Variants in ZFAT observed in about 807,000 individuals in gnomAD.
ZFAT encodes the protein zinc finger protein ZFAT.
ZFAT carries 64 observed loss-of-function variants against 117.7 expected under a neutral mutation model. The observed-to-expected ratio is 0.54, with a 90% CI of 0.44 to 0.67. ZFAT has a LOEUF of 0.67. Ranked by LOEUF, ZFAT falls within the 30% of genes least tolerant of loss-of-function variation. ZFAT has a pLI of 0.00. For missense variants in ZFAT, 1,433 were observed against 1,584.5 expected (o/e 0.90, Z 1.62); for synonymous variants, 679 against 615.0 (o/e 1.10, Z -1.54).
At chr8:134,573,709 C>A (rs1825101579) in intron 10 of ZFAT, among the ~76,000 whole-genome samples, 1 of 152,250 alleles carries the variant, frequency 6.6e-6, no homozygotes, top group South Asian at 2.1e-4. Context: ...AAAGGTGAGG[C>A]ATATCTTTGC....
chr8:134,816,701 C>T, the ZFAT span, among the ~76,000 whole-genome samples: 4 of 152,066 alleles, frequency 2.6e-5, no homozygotes, highest in Non-Finnish European at 1.5e-5. Context: ...ATGCATACCA[C>T]TGGCCAGGCA....
At chr8:134,504,335 A>C (rs987764055) in intron 15 of ZFAT, among the ~76,000 whole-genome samples, 6 of 152,168 alleles carry the variant, frequency 3.9e-5, no homozygotes, top group African/African-American at 1.4e-4. Flanking sequence ...AAAACTCAGA[A>C]AGACCGAAGA....
the ZFAT span, among the ~76,000 whole-genome samples, chr8:134,726,293 G>T: frequency 6.6e-6 from 1 of 152,160 alleles, no homozygotes; most frequent in East Asian, 1.9e-4. Context: ...TTTATGCATT[G>T]GCATGCTTCC....
intron 1 of ZFAT, among the ~76,000 whole-genome samples, chr8:134,664,513 G>A (rs1342377279): frequency 5.9e-5 from 9 of 152,258 alleles, no homozygotes; most frequent in African/African-American, 1.9e-4. Context: ...GCCCAGAGCA[G>A]AGAGCATGGT....
At chr8:134,507,506 G>A (rs1165789369) in intron 15 of ZFAT, among the ~76,000 whole-genome samples, 1 of 152,144 alleles carries the variant, frequency 6.6e-6, no homozygotes, top group East Asian at 1.9e-4. Context: ...GTGTTCAACA[G>A]CACCACTCTT....
rs374388408 is a variant in ZFAT at position 134,680,216 on chromosome 8, C to T, written c.20-22479G>A. 3.7e-4 allele frequency among the ~76,000 whole-genome samples: 54 copies of T among 147,372 alleles called. 1 individual carries two copies. The East Asian group carries it at 9.3e-3, about 25-fold the overall frequency. On this transcript the variant is annotated intron_variant, in intron 1 of 15. Coordinates refer to ENST00000377838, the MANE Select transcript of ZFAT (RefSeq NM_020863.4). ...GGCAGAGATTGCAGTGAGCCATGAT[C>T]GCACCACTGTACTCCAGCCTGGGTG...
the ZFAT span, among the ~76,000 whole-genome samples, chr8:134,827,336 C>T: frequency 0.29 from 44,800 of 152,090 alleles, 7,069 homozygotes; most frequent in African/African-American, 0.4. Context: ...TGAGCCACCA[C>T]GCCTGGCCTG....
At chr8:134,822,022 C>T in the ZFAT span, among the ~76,000 whole-genome samples, 1 of 152,062 alleles carries the variant, frequency 6.6e-6, no homozygotes, top group Non-Finnish European at 1.5e-5. Flanking sequence ...ATAGATACAG[C>T]GTCTTGGGTT....
At chr8:134,655,047 A>G (rs547804425) in intron 2 of ZFAT, among the ~76,000 whole-genome samples, 1 of 152,238 alleles carries the variant, frequency 6.6e-6, no homozygotes, top group African/African-American at 2.4e-5. Context: ...CAGCAAGAAC[A>G]CCTGCAAGGG....
intron 1 of ZFAT, among the ~76,000 whole-genome samples, chr8:134,683,743 C>T (rs1833181272): frequency 6.6e-6 from 1 of 151,964 alleles, no homozygotes; most frequent in African/African-American, 2.4e-5. Flanking sequence ...GAAGCTCCTG[C>T]CCCGCAAGCA....
At chr8:134,550,974 C>A (rs1049073947) in intron 11 of ZFAT, among the ~76,000 whole-genome samples, 4 of 152,204 alleles carry the variant, frequency 2.6e-5, no homozygotes, top group Non-Finnish European at 4.4e-5. Context: ...ACTTCTTTCC[C>A]TCTGCCCCTT....
At chr8:134,814,338 G>A in the ZFAT span, among the ~76,000 whole-genome samples, 36 of 152,094 alleles carry the variant, frequency 2.4e-4, no homozygotes, top group Non-Finnish European at 4.4e-4. Flanking sequence ...AAAATACAAC[G>A]CTTAATAAAA....
chr8:134,513,225 T>G (rs1586619261), intron 13 of ZFAT, among the ~76,000 whole-genome samples: 2 of 143,006 alleles, frequency 1.4e-5, no homozygotes, highest in Admixed American at 7.3e-5. Flanking sequence ...TGAGACAGAG[T>G]CTCGCTCTGT....
chr8:134,566,977 A>T (rs773863222), intron 10 of ZFAT, among the ~76,000 whole-genome samples: 47 of 152,308 alleles, frequency 3.1e-4, no homozygotes, highest in Non-Finnish European at 6.0e-4. Flanking sequence ...ACAGTGTTCC[A>T]GCCCACACTC....
At chr8:134,706,817 T>C (rs546974813) in intron 1 of ZFAT, among the ~76,000 whole-genome samples, 1 of 151,810 alleles carries the variant, frequency 6.6e-6, no homozygotes, top group Admixed American at 6.6e-5. Flanking sequence ...GGAGTGTGGG[T>C]TATGTGAGTG....
the ZFAT span, among the ~76,000 whole-genome samples, chr8:134,759,481 T>C: frequency 1.3e-5 from 2 of 152,268 alleles, no homozygotes; most frequent in East Asian, 1.9e-4. Context: ...CAGTAGTAAA[T>C]TGCCAATTCA....
chr8:134,670,430 A>G (rs1252687555), intron 1 of ZFAT, among the ~76,000 whole-genome samples: 2 of 152,292 alleles, frequency 1.3e-5, no homozygotes, highest in Non-Finnish European at 2.9e-5. Context: ...ATCAAACTAG[A>G]ACTCAGGATT....
chr8:134,555,953 A>G (rs1264764286), intron 11 of ZFAT, among the ~76,000 whole-genome samples: 2 of 138,282 alleles, frequency 1.4e-5, no homozygotes, highest in Non-Finnish European at 3.2e-5. Context: ...ATACAAAAAG[A>G]AGGAAGGAGG....
the ZFAT span, among the ~76,000 whole-genome samples, chr8:134,810,558 C>T: frequency 6.6e-6 from 1 of 152,160 alleles, no homozygotes; most frequent in South Asian, 2.1e-4. Context: ...ACTATTTATA[C>T]TGTTTCCTGG....
Sources: gnomAD v4.1 joint callset for allele counts (sites outside exome capture counted in the v4.1 genomes callset) on GRCh38, gnomAD v4.1.1 for gene constraint, MANE v1.5 for transcripts, NCBI Gene and HGNC (gene_info 2026-07-23, HGNC 2026-07-21) for gene names.